The following QKI variants were observed in gnomAD, a reference collection of about 807,000 sequenced individuals.
QKI encodes QKI, KH domain containing RNA binding, also known as KH domain-containing RNA-binding protein QKI.
In QKI, 10 loss-of-function variants were observed where a neutral mutation model predicts 39.0. The observed-to-expected ratio is 0.26, with a 90% CI of 0.16 to 0.43. QKI has a LOEUF of 0.43. QKI is among the 20% of genes least tolerant of loss of function. QKI has a pLI of 1.00. For missense variants in QKI, 218 were observed against 428.0 expected (o/e 0.51, Z 4.33); for synonymous variants, 204 against 155.4 (o/e 1.31, Z -2.33).
intron 2 of QKI, among the ~76,000 whole-genome samples, chr6:163,467,176 C>T (rs1379851008): frequency 6.6e-6 from 1 of 152,136 alleles, no homozygotes; most frequent in Non-Finnish European, 1.5e-5. Context: ...CACACACGTG[C>T]GTGTACATGC....
At chr6:163,536,298 G>C (rs1583181212) in intron 4 of QKI, among the ~76,000 whole-genome samples, 1 of 152,132 alleles carries the variant, frequency 6.6e-6, no homozygotes, top group Non-Finnish European at 1.5e-5. Context: ...ATTTTCGAAA[G>C]TATACTGGGC....
At chr6:163,566,313 G>GTGA in intron 6 of QKI, 1 of 1,196,046 alleles carries the variant, frequency 8.4e-7, no homozygotes. Flanking sequence ...ACCTTTTTAA[G>GTGA]TGATAAACTC....
chr6:163,444,558 C>T (rs914426602), intron 1 of QKI, among the ~76,000 whole-genome samples: 1 of 114,280 alleles, frequency 8.8e-6, no homozygotes, highest in African/African-American at 3.2e-5. Context: ...AAATCTAAAA[C>T]GTATAGATAA....
chr6:163,491,639 A>G (rs1562483712), intron 3 of QKI, among the ~76,000 whole-genome samples: 1 of 152,198 alleles, frequency 6.6e-6, no homozygotes, highest in Non-Finnish European at 1.5e-5. Context: ...TAAAGATTAA[A>G]TGTTTATTTC....
chr6:163,439,787 A>G (rs1296401975), intron 1 of QKI, among the ~76,000 whole-genome samples: 2 of 151,572 alleles, frequency 1.3e-5, no homozygotes, highest in African/African-American at 2.4e-5. Flanking sequence ...GTAGCAGGTA[A>G]TACAAGTGTG....
intron 2 of QKI, among the ~76,000 whole-genome samples, chr6:163,469,246 A>G (rs578004230): frequency 2.4e-4 from 36 of 152,284 alleles, no homozygotes; most frequent in African/African-American, 7.7e-4. Flanking sequence ...CTTGAAAAGC[A>G]TGGGGTATGC....
Position 163,429,672 on chromosome 6 carries a change from AT to A in QKI, c.142+14341del, listed in dbSNP as rs147290380. On this transcript the variant is annotated intron_variant, in intron 1 of 7. Transcript: ENST00000361752. ...GCAATGCAGTTAATCTGAAATAAGC[AT>A]TTTATGTTGCATTGCAGTAGAAACT... Among the ~76,000 whole-genome samples, 439 of 152,280 alleles carry A rather than the reference AT, an allele frequency of 2.9e-3. 2 individuals carry two copies. Among genetic ancestry groups the A allele is most frequent in the African/African-American group, 9.8e-3 (408 of 41,564 alleles).
intron 1 of QKI, among the ~76,000 whole-genome samples, chr6:163,420,744 G>A (rs1787933600): frequency 6.6e-6 from 1 of 151,984 alleles, no homozygotes; most frequent in Non-Finnish European, 1.5e-5. Flanking sequence ...AGATTATTTC[G>A]TGTTTTACAG....
intron 2 of QKI, among the ~76,000 whole-genome samples, chr6:163,461,105 T>C (rs1352558111): frequency 6.6e-6 from 1 of 152,178 alleles, no homozygotes; most frequent in African/African-American, 2.4e-5. Flanking sequence ...AATGTATAAG[T>C]TCAACTAGAT....
intron 3 of QKI, among the ~76,000 whole-genome samples, chr6:163,523,986 A>G (rs534532183): frequency 6.6e-6 from 1 of 152,360 alleles, no homozygotes; most frequent in South Asian, 2.1e-4. Flanking sequence ...GTAGTGGAAA[A>G]CAGTTAAGGA....
intron 2 of QKI, among the ~76,000 whole-genome samples, chr6:163,476,047 C>CA (rs1355096019): frequency 6.6e-6 from 1 of 151,944 alleles, no homozygotes; most frequent in Non-Finnish European, 1.5e-5. Flanking sequence ...AAATGTCCTT[C>CA]AAAAAATGCA....
At chr6:163,565,013 G>C (rs1783265036) in intron 6 of QKI, 2 of 1,219,512 alleles carry the variant, frequency 1.6e-6, no homozygotes, top group African/African-American at 3.1e-5. Context: ...ATGATGCTCT[G>C]TATGTTATCT....
At chr6:163,453,602 A>G (rs1790730243) in intron 1 of QKI, among the ~76,000 whole-genome samples, 1 of 152,178 alleles carries the variant, frequency 6.6e-6, no homozygotes, top group South Asian at 2.1e-4. Context: ...ATGCTAATTT[A>G]AGATAAACAC....
At chr6:163,444,714 C>CT in intron 1 of QKI, among the ~76,000 whole-genome samples, 1 of 152,040 alleles carries the variant, frequency 6.6e-6, no homozygotes, top group Non-Finnish European at 1.5e-5. Flanking sequence ...GTAATGATTG[C>CT]TTATTTGAAG....
intron 3 of QKI, among the ~76,000 whole-genome samples, chr6:163,479,291 A>C (rs1360896810): frequency 1.3e-5 from 2 of 152,168 alleles, no homozygotes. Flanking sequence ...AAAAACGAAC[A>C]AACAAACCCA....
intron 1 of QKI, among the ~76,000 whole-genome samples, chr6:163,444,772 A>G (rs763442780): frequency 2.0e-5 from 3 of 152,206 alleles, no homozygotes; most frequent in Admixed American, 6.5e-5. Flanking sequence ...TTTAAACTGT[A>G]GAAGATACCA....
chr6:163,471,570 A>G (rs1351564871), intron 2 of QKI, among the ~76,000 whole-genome samples: 1 of 152,148 alleles, frequency 6.6e-6, no homozygotes, highest in Non-Finnish European at 1.5e-5. Context: ...GAAAAGGGTA[A>G]AAGTACAAAT....
chr6:163,470,873 A>C (rs1792127761), intron 2 of QKI, among the ~76,000 whole-genome samples: 1 of 152,140 alleles, frequency 6.6e-6, no homozygotes, highest in Non-Finnish European at 1.5e-5. Context: ...GGGAATGTGA[A>C]AAGTAAAAGG....
chr6:163,435,065 A>G (rs1055466980), intron 1 of QKI, among the ~76,000 whole-genome samples: 28 of 152,226 alleles, frequency 1.8e-4, no homozygotes, highest in African/African-American at 6.8e-4. Context: ...TATATTCTGT[A>G]TATTGACTTT....
Sources: gnomAD v4.1 joint callset for allele counts (sites outside exome capture counted in the v4.1 genomes callset) on GRCh38, gnomAD v4.1.1 for gene constraint, MANE v1.5 for transcripts, NCBI Gene and HGNC (gene_info 2026-07-23, HGNC 2026-07-21) for gene names.